Variants in AHNAK2 observed in about 807,000 individuals in gnomAD.
AHNAK2 encodes the protein protein AHNAK2.
A neutral mutation model predicts 30.7 loss-of-function variants in AHNAK2; 18 were observed. That is an observed-to-expected ratio of 0.59 (90% CI 0.41 to 0.87). The LOEUF (loss-of-function observed/expected upper bound fraction) is 0.87. AHNAK2 is among the 40% of genes least tolerant of loss of function. The pLI is 0.00. For missense variants in AHNAK2, 8,604 were observed against 7,373.0 expected (o/e 1.17, Z -6.11); for synonymous variants, 3,590 against 3,073.8 (o/e 1.17, Z -5.56).
rs1397134321 is a variant in AHNAK2, at chr14:104,951,301, C to T, written c.4150G>A (p.Asp1384Asn). 3 of 1,061,586 alleles carry T rather than the reference C, an allele frequency of 2.8e-6. 1 individual carries two copies. The African/African-American group carries it at 4.3e-5, about 15-fold the overall frequency. The allele number at this position is 1,061,586 out of a possible 1,614,324, so 65.8% of individuals were successfully genotyped here. A position where few individuals can be genotyped will look rare whatever the true frequency, so the allele number is the denominator to read the frequency against. The change falls in exon 7 of 7, where the codon GAC (aspartate) becomes AAC (asparagine). Residue 1384 changes from aspartate (D) to asparagine (N), a missense_variant. Asp to Asn is a conservative substitution (Grantham distance 23, BLOSUM62 1). Transcript: ENST00000333244. ...AATTGGCCAGCCTGGAGCTCCAGGTCAGTGGAAGGGGGCTGAATGCTGAGG... is the reference window on the plus strand; with the variant it reads ...AATTGGCCAGCCTGGAGCTCCAGGTTAGTGGAAGGGGGCTGAATGCTGAGG... ...TDLSIQPPST[D>N]LELQAGQLDV...
At chr14:104,957,572 G>A (rs1171394277) in intron 2 of AHNAK2, 42 bp downstream of exon 2, 3 of 1,601,578 alleles carry the variant, frequency 1.9e-6, no homozygotes, top group Non-Finnish European at 2.6e-6. Context: ...GAGAATGGGG[G>A]CAGGGTATGA....
chr14:104,971,248 G>C (rs1461540353), intron 1 of AHNAK2, among the ~76,000 whole-genome samples: 1 of 152,078 alleles, frequency 6.6e-6, no homozygotes, highest in Non-Finnish European at 1.5e-5. Flanking sequence ...TCAAGTGGCT[G>C]GGGCTCCAGG....
At position 104,950,819 on chromosome 14, in the gene AHNAK2, C is replaced by A. The variant is rs1566914687; in HGVS notation, c.4632G>T (p.Gln1544His). ...GDLKATDLSIQPPSADLEVQA... is the reference protein window; with the variant it reads ...GDLKATDLSIHPPSADLEVQA... ...GGACCTCCAGGTCAGCAGAAGGGGG[C>A]TGTATGCTCAGGTCAGTGGCCTTGA... Residue 1544 changes from glutamine to histidine, a missense_variant, in exon 7 of 7, where the codon CAG (glutamine) becomes CAT (histidine). Gln to His is a conservative substitution (Grantham distance 24). Coordinates refer to ENST00000333244, the MANE Select transcript of AHNAK2 (RefSeq NM_138420.4). 1.9e-6 allele frequency: 3 copies of A among 1,585,982 alleles called. No homozygotes were observed. Among genetic ancestry groups the A allele is most frequent in the Non-Finnish European group, 2.6e-6 (3 of 1,161,734 alleles).
chr14:104,948,344 C>A lies in AHNAK2; in HGVS notation c.7107G>T (p.Gln2369His). The stretch of plus-strand genomic sequence containing the variant: ...GGACCTCCAGGTCAGCGGAAGGGGG[C>A]TGAACGCTGAGGTCAGTGGTCTTGA... Reference protein sequence around the residue: ...GDLKTTDLSVQPPSADLEVQA... With the variant: ...GDLKTTDLSVHPPSADLEVQA... Residue 2369 changes from glutamine to histidine, a missense_variant, in exon 7 of 7, where the codon CAG (glutamine) becomes CAT (histidine). By Grantham distance (24) the Gln-to-His change is conservative. Coordinates refer to ENST00000333244, the MANE Select transcript of AHNAK2 (RefSeq NM_138420.4). 6.2e-7 allele frequency: 1 copy of A among 1,612,948 alleles called. No individual in the cohort carries two copies.
chr14:104,955,217 G>C (rs117591144), intron 5 of AHNAK2, 76 bp from the exon 6 acceptor site: 45,885 of 1,496,274 alleles, frequency 0.031, 794 homozygotes, highest in Middle Eastern at 0.048. Context: ...TGGCTGGCGA[G>C]GAGGGTCCCG....
rs780570580 is a variant in AHNAK2, at chr14:104,953,569, G to A, written c.1882C>T (p.Arg628Cys). The change falls in exon 7 of 7, where the codon CGC (arginine) becomes TGC (cysteine). Residue 628 changes from arginine to cysteine, a missense_variant. Transcript: ENST00000333244. ...TTGTCTTTTAATCCTTCCTCTGTGC[G>A]TCTCTGTTCTCTTCTATCAGCTGTT... is the stretch of plus-strand genomic sequence containing the variant. ...TATADRREQR[R>C]TEEGLKDKED... 4.6e-5 allele frequency: 74 copies of A among 1,613,796 alleles called. 1 individual carries two copies. In the South Asian group the frequency reaches 4.6e-4, roughly 10 times the overall value.
chr14:104,956,976 G>A (rs980721439), intron 3 of AHNAK2, among the ~76,000 whole-genome samples: 1 of 152,234 alleles, frequency 6.6e-6, no homozygotes, highest in African/African-American at 2.4e-5. Context: ...TTTGTATGGA[G>A]GGAGATAAGA....
rs557930881 is a variant in AHNAK2, at chr14:104,937,948, C to G, written c.*115G>C. On this transcript the variant is annotated 3_prime_UTR_variant, in exon 7 of 7. Coordinates refer to ENST00000333244, the MANE Select transcript of AHNAK2 (RefSeq NM_138420.4). ...GGTCATTTCTGCTCTGTTCTCCGTT[C>G]TGTGAAGTGAGGTGGATGTAATGTG... 2.6e-6 allele frequency: 3 copies of G among 1,138,854 alleles called. No homozygotes were observed. The South Asian group carries it at 4.8e-5, about 18-fold the overall frequency. The allele number at this position is 1,138,854 out of a possible 1,614,324, so 70.5% of individuals were successfully genotyped here. A position where few individuals can be genotyped will look rare whatever the true frequency, so the allele number is the denominator to read the frequency against.
chr14:104,941,842 G>C lies in AHNAK2; in HGVS notation c.13609C>G (p.Pro4537Ala). 1 of 1,613,240 alleles carries C rather than the reference G, an allele frequency of 6.2e-7. No individual in the cohort carries two copies. The highest frequency in any genetic ancestry group is 8.5e-7 in the Non-Finnish European group (1 of 1,179,602). ...TGCCCTTTGAGGCCGGCTACCTCGGGCATGTGGCCTTCTGGAAGTTTCAAG... is the reference window on the plus strand; with the variant it reads ...TGCCCTTTGAGGCCGGCTACCTCGGCCATGTGGCCTTCTGGAAGTTTCAAG... ...VDLKLPEGHM[P>A]EVAGLKGHLP... The change falls in exon 7 of 7, where the codon CCC becomes GCC. Residue 4537 changes from proline to alanine, a missense_variant. Physicochemically the swap from Pro to Ala is conservative, Grantham distance 27. Transcript: ENST00000333244.
At position 104,941,365 on chromosome 14, in the gene AHNAK2, C is replaced by G. The variant is rs371371069; in HGVS notation, c.14086G>C (p.Asp4696His). ...LGLAVGEVGM[D>H]SKFKKLHFKV... ...AAATGCAGTTTCTTAAACTTCGAAT[C>G]CATTCCAACTTCTCCAACAGCAAGC... Residue 4696 changes from aspartate to histidine, a missense_variant, in exon 7 of 7, where the codon GAT becomes CAT. By Grantham distance (81) the Asp-to-His change is moderately conservative. Transcript: ENST00000333244. 16 of 1,613,446 alleles carry G rather than the reference C, an allele frequency of 9.9e-6. No individual in the cohort carries two copies. Among genetic ancestry groups the G allele is most frequent in the Non-Finnish European group, 1.3e-5 (15 of 1,179,892 alleles).
rs1355299514 is a variant in AHNAK2 at position 104,946,127 on chromosome 14, G to A, written c.9324C>T (p.Gly3108=). 1 of 1,611,982 alleles carries A rather than the reference G, an allele frequency of 6.2e-7. No homozygotes were observed. The change falls in exon 7 of 7, where the codon GGC becomes GGT. Residue 3108 remains glycine (G), a synonymous_variant. Coordinates refer to ENST00000333244, the MANE Select transcript of AHNAK2 (RefSeq NM_138420.4). The part of the protein sequence containing the change: ...TAPDVEVSQP[G]MEVDVEAPGA... ...CTGGGGCCTCGACATCCACCTCCAT[G>A]CCGGGCTGAGACACCTCCACGTCGG...
rs112299271 is a variant in AHNAK2, at chr14:104,945,709, T to C, written c.9742A>G (p.Ile3248Val). ...KVDRKGPQIDIKGPKLDLKGP... is the reference protein window; with the variant it reads ...KVDRKGPQIDVKGPKLDLKGP... ...TTCAGGTCCAGCTTGGGGCCCTTGA[T>C]GTCTATCTGGGGGCCCTTGCGATCT... The change falls in exon 7 of 7, where the codon ATC becomes GTC. Residue 3248 changes from isoleucine (I) to valine (V), a missense_variant. Transcript: ENST00000333244. The C allele has an allele frequency of 1.1e-4, 174 of 1,599,298 alleles. No individual in the cohort carries two copies. The Middle Eastern group carries it at 3.3e-3, about 31-fold the overall frequency.
chr14:104,949,407 G>T lies in AHNAK2; in HGVS notation c.6044C>A (p.Ala2015Glu), dbSNP rs748398097. The change falls in exon 7 of 7, where the codon GCA (alanine) becomes GAA (glutamate). Residue 2015 changes from alanine (A) to glutamate (E), a missense_variant. Physicochemically the swap from Ala to Glu is moderately radical, Grantham distance 107. Coordinates refer to ENST00000333244, the MANE Select transcript of AHNAK2 (RefSeq NM_138420.4). ...ACTCACGTCGGCCTCCACCTTGGGT[G>T]CAGGCACATCCACCGAGGCCTCGAT... ...RSIEASVDVPAPKVEADVSLP... is the reference protein window; with the variant it reads ...RSIEASVDVPEPKVEADVSLP... 143 of 1,583,486 alleles carry T rather than the reference G, an allele frequency of 9.0e-5. 13 individuals carry two copies. In the African/African-American group the frequency reaches 1.3e-3, roughly 15 times the overall value.
chr14:104,947,966 C>A lies in AHNAK2; in HGVS notation c.7485G>T (p.Val2495=), dbSNP rs184602855. The A allele has an allele frequency of 6.2e-7, 1 of 1,612,772 alleles. No homozygotes were observed. Among genetic ancestry groups the A allele is most frequent in the Non-Finnish European group, 8.5e-7 (1 of 1,179,672 alleles). ...IPKFKMPSFG[V]SAPGKSIEAS... is the part of the protein sequence containing the mutation. ...CCTCGATGGACTTGCCTGGGGCAGACACCCCGAATGACGGCATCTTGAACT... is the reference window on the plus strand; with the variant it reads ...CCTCGATGGACTTGCCTGGGGCAGAAACCCCGAATGACGGCATCTTGAACT... The change falls in exon 7 of 7, where the codon GTG becomes GTT. Residue 2495 remains valine (V), a synonymous_variant. Coordinates refer to ENST00000333244, the MANE Select transcript of AHNAK2 (RefSeq NM_138420.4).
Position 104,966,412 on chromosome 14 carries a change from G to C in AHNAK2, c.56-8740C>G, listed in dbSNP as rs1323523200. Among the ~76,000 whole-genome samples, 2 of 151,972 alleles carry C rather than the reference G, an allele frequency of 1.3e-5. No homozygotes were observed. Among genetic ancestry groups the C allele is most frequent in the Admixed American group, 6.5e-5 (1 of 15,276 alleles). ...CCACAGGCCCCTTCTCCCTAACCAG[G>C]CAGTGAAGGGGCAAGACCCTGTCTC... On this transcript the variant is annotated intron_variant, in intron 1 of 6. Transcript: ENST00000333244. This position sits in a 1 kb window ranked among gnomAD's most constrained non-coding sequence, Gnocchi z 4.3.
intron 4 of AHNAK2, among the ~76,000 whole-genome samples, chr14:104,956,164 G>A (rs571740234): frequency 3.3e-5 from 5 of 152,330 alleles, no homozygotes; most frequent in Admixed American, 2.6e-4. Context: ...AGTTGCTTAA[G>A]AGGCAGAGTG....
Position 104,945,505 on chromosome 14 carries a change from G to A in AHNAK2, c.9946C>T (p.Pro3316Ser). Residue 3316 changes from proline to serine, a missense_variant, in exon 7 of 7, where the codon CCG becomes TCG. Pro to Ser is a moderately conservative substitution (Grantham distance 74). Transcript: ENST00000333244. Reference protein sequence around the residue: ...SKFKMPKFKMPSYRASAPGKS... With the variant: ...SKFKMPKFKMSSYRASAPGKS... ...CCTGGGGCAGACGCCCTGTACGACG[G>A]CATCTTGAATTTGGGCATTTTGAAC... 1.2e-6 allele frequency: 2 copies of A among 1,612,938 alleles called. No individual in the cohort carries two copies. Among genetic ancestry groups the A allele is most frequent in the South Asian group, 1.1e-5 (1 of 90,998 alleles).
At chr14:104,956,224 GC>G (rs1898971592) in intron 4 of AHNAK2, among the ~76,000 whole-genome samples, 1 of 152,164 alleles carries the variant, frequency 6.6e-6, no homozygotes, top group Admixed American at 6.5e-5. Flanking sequence ...TAGTTCCATG[GC>G]CTGGGTGCTG....
At chr14:104,955,217 G>T in intron 5 of AHNAK2, 76 bp from the exon 6 acceptor site, 1 of 1,496,468 alleles carries the variant, frequency 6.7e-7, no homozygotes, top group East Asian at 2.3e-5. Context: ...TGGCTGGCGA[G>T]GAGGGTCCCG....
Sources: gnomAD v4.1 joint callset for allele counts (sites outside exome capture counted in the v4.1 genomes callset) on GRCh38, gnomAD v4.1.1 for gene constraint, Gnocchi (gnomAD v3.1) non-coding constraint, MANE v1.5 for transcripts, NCBI Gene and HGNC (gene_info 2026-07-23, HGNC 2026-07-21) for gene names.